The following TSPAN1 variants were observed in gnomAD, a reference collection of about 807,000 sequenced individuals.
TSPAN1 encodes tetraspanin-1.
In TSPAN1, 23 loss-of-function variants were observed where a neutral mutation model predicts 26.9. That is an observed-to-expected ratio of 0.85 (90% CI 0.62 to 1.21). The LOEUF (loss-of-function observed/expected upper bound fraction) is 1.21. TSPAN1 is among the 50% of genes most tolerant of loss of function. The pLI, the probability that TSPAN1 is intolerant of heterozygous loss-of-function variation, is 0.00. For missense variants in TSPAN1, 283 were observed against 298.4 expected, an observed-to-expected ratio of 0.95 and a Z score of 0.38; for synonymous variants, 115 against 114.8, an observed-to-expected ratio of 1.00 and a Z score of -0.01.
At chr1:46,188,875 C>A (rs749544825), downstream of TSPAN1, 22 of 1,612,766 alleles carry the variant, frequency 1.4e-5, no homozygotes, top group African/African-American at 2.3e-4. Flanking sequence ...CCAGCCCCAC[C>A]CTCAGGGCAG....
At chr1:46,176,209 C>T (rs933672768) in intron 1 of TSPAN1, 13 of 1,534,512 alleles carry the variant, frequency 8.5e-6, no homozygotes, top group Non-Finnish European at 1.0e-5. Flanking sequence ...CACCCTGGCT[C>T]ACAGGCCCCC....
the TSPAN1 span, chr1:46,192,707 T>C: frequency 1.1e-5 from 17 of 1,596,888 alleles, no homozygotes; most frequent in Non-Finnish European, 1.3e-5. Context: ...AGTACCTCCT[T>C]CCCCCAAATC....
chr1:46,183,357 T>G (rs1657354851), intron 3 of TSPAN1: 1 of 152,284 alleles, frequency 6.6e-6, no homozygotes, highest in Admixed American at 6.5e-5. Context: ...CCAGCCACAA[T>G]CTGCCACCTC....
At chr1:46,179,790 A>C (rs1038857342) in intron 1 of TSPAN1, among the ~76,000 whole-genome samples, 1 of 152,150 alleles carries the variant, frequency 6.6e-6, no homozygotes, top group Non-Finnish European at 1.5e-5. Flanking sequence ...AAAAAGAAAA[A>C]GATGGGGAAG....
At position 46,184,848 on chromosome 1, in the gene TSPAN1, G is replaced by A; in HGVS notation, c.403G>A (p.Asp135Asn). 1 of 1,614,246 alleles carries A rather than the reference G, an allele frequency of 6.2e-7. No individual in the cohort carries two copies. The highest frequency in any genetic ancestry group is 8.5e-7 in the Non-Finnish European group (1 of 1,180,050). ...CAAGAAAGATTATGGTTCCCAGGAA[G>A]ACTTCACTCAAGTGTGGAACACCAC... ...AIKKDYGSQE[D>N]FTQVWNTTMK... The change falls in exon 6 of 9, where the codon GAC becomes AAC. Residue 135 changes from aspartate to asparagine, a missense_variant. Coordinates refer to ENST00000372003, the MANE Select transcript of TSPAN1 (RefSeq NM_005727.4).
downstream of TSPAN1, chr1:46,189,104 G>A: frequency 4.7e-6 from 7 of 1,498,866 alleles, no homozygotes; most frequent in African/African-American, 1.4e-5. Context: ...GGAACGGGGT[G>A]TTGGAGCAGG....
chr1:46,184,775 C>T lies in TSPAN1; in HGVS notation c.340-10C>T. 6.2e-7 allele frequency: 1 copy of T among 1,614,134 alleles called. No individual in the cohort carries two copies. Among genetic ancestry groups the T allele is most frequent in the South Asian group, 1.1e-5 (1 of 91,082 alleles). ...GTACCAGCCCCTAAACACTGGCCTGCCTCACCCAGGCTGAGCACTTCCTGA... is the reference window on the plus strand; with the variant it reads ...GTACCAGCCCCTAAACACTGGCCTGTCTCACCCAGGCTGAGCACTTCCTGA... On this transcript the variant is annotated splice_polypyrimidine_tract_variant and intron_variant, in intron 5 of 8. Coordinates refer to ENST00000372003, the MANE Select transcript of TSPAN1 (RefSeq NM_005727.4).
chr1:46,196,026 G>A, the TSPAN1 span: 3 of 1,614,036 alleles, frequency 1.9e-6, no homozygotes, highest in Non-Finnish European at 2.5e-6. This position sits in a 1 kb window ranked among gnomAD's most constrained non-coding sequence, Gnocchi z 4.4. Flanking sequence ...GCCTGGTTGA[G>A]GACAATGACA....
intron 2 of TSPAN1, 58 bp from the exon 3 acceptor site, chr1:46,181,042 C>A: frequency 6.6e-7 from 1 of 1,524,090 alleles, no homozygotes; most frequent in South Asian, 1.1e-5. Flanking sequence ...GAAGCCAGGG[C>A]CAGCCCAGGT....
chr1:46,191,603 C>T, the TSPAN1 span: 1,271 of 234,886 alleles, frequency 5.4e-3, 20 homozygotes, highest in African/African-American at 0.027. Context: ...ATTTAAACCT[C>T]AAAATATCGT....
the TSPAN1 span, chr1:46,193,941 C>T: frequency 3.7e-6 from 6 of 1,613,888 alleles, no homozygotes; most frequent in African/African-American, 1.3e-5. Context: ...GGAGAAATAG[C>T]GTTTAGCTCT....
At chr1:46,176,164 C>T (rs555541930) in intron 1 of TSPAN1, 249 of 1,519,832 alleles carry the variant, frequency 1.6e-4, no homozygotes, top group Admixed American at 4.5e-4. Context: ...CATGAGCCAC[C>T]GCACCCAGCC....
intron 1 of TSPAN1, among the ~76,000 whole-genome samples, chr1:46,176,029 C>A (rs997983041): frequency 6.6e-6 from 1 of 152,184 alleles, no homozygotes; most frequent in Admixed American, 6.5e-5. Flanking sequence ...TGTGCCACCA[C>A]GCCCGGCTAA....
At chr1:46,186,488 CTTTT>C (rs751253861), downstream of TSPAN1, among the ~76,000 whole-genome samples, 1 of 130,114 alleles carries the variant, frequency 7.7e-6, no homozygotes, top group Non-Finnish European at 1.7e-5. Flanking sequence ...CTTTTCTTTT[CTTTT>C]TTTTTTTTTT....
intron 1 of TSPAN1, chr1:46,176,106 A>G (rs923673085): frequency 2.8e-6 from 3 of 1,053,384 alleles, no homozygotes; most frequent in African/African-American, 3.2e-5. Context: ...CGATCTCCTG[A>G]CCTTGTGATC....
At chr1:46,188,559 G>GC, downstream of TSPAN1, 1 of 1,307,226 alleles carries the variant, frequency 7.6e-7, no homozygotes. Flanking sequence ...TGGCCAAATG[G>GC]CCCCAAATGG....
chr1:46,190,097 CTTTTTTTTTT>C, downstream of TSPAN1: 1 of 807,240 alleles, frequency 1.2e-6, no homozygotes, highest in Non-Finnish European at 1.8e-6. Context: ...CCTTGAAGTT[CTTTTTTTTTT>C]TTTTTTTTTG....
chr1:46,185,280 GT>G lies in TSPAN1; in HGVS notation c.651del (p.Val218TrpfsTer13), dbSNP rs1472352089. The G allele has an allele frequency of 1.2e-6, 2 of 1,614,192 alleles. No homozygotes were observed. The highest frequency in any genetic ancestry group is 1.7e-6 in the Non-Finnish European group (2 of 1,180,032). ...CGAACTAATGCAGTCACCGTGGGTG[GT>G]GTGGCAGCTGGAATTGGGGGCCTCG... is the stretch of plus-strand genomic sequence containing the variant. The part of the protein sequence containing the change: ...DIRTNAVTVG[G>X]VAAGIGGLEL... On this transcript the variant is annotated frameshift_variant, in exon 8 of 9. Coordinates refer to ENST00000372003, the MANE Select transcript of TSPAN1 (RefSeq NM_005727.4). LOFTEE classifies it high-confidence loss of function.
chr1:46,190,432 C>A (rs767066048), downstream of TSPAN1: 4 of 1,541,702 alleles, frequency 2.6e-6, no homozygotes, highest in Non-Finnish European at 2.7e-6. Context: ...CAGTATTTGA[C>A]TCTTTGCTCC....
Sources: allele counts gnomAD v4.1 joint callset (sites outside exome capture counted in the v4.1 genomes callset), GRCh38; gene constraint gnomAD v4.1.1; non-coding constraint Gnocchi (gnomAD v3.1); transcripts MANE v1.5; gene names NCBI Gene and HGNC (gene_info 2026-07-23, HGNC 2026-07-21).